ERC1: variants seen among roughly 807,000 people sequenced by gnomAD.
The protein encoded by ERC1 is RAB6 interacting protein 2.
ERC1 carries 56 observed loss-of-function variants against 132.0 expected under a neutral mutation model. The ratio of observed to expected loss-of-function variants is 0.42; its 90% CI spans 0.34 to 0.53. The LOEUF is 0.53. Ranked by LOEUF, ERC1 falls within the 20% of genes least tolerant of loss-of-function variation. The probability of loss-of-function intolerance (pLI) is 0.03; values close to 1 mark genes in which losing one functional copy is unlikely to be tolerated. For synonymous variants in ERC1, 478 were observed against 476.1 expected, an observed-to-expected ratio of 1.00 and a Z score of -0.05; for missense variants, 1,202 against 1,349.9, an observed-to-expected ratio of 0.89 and a Z score of 1.72.
rs1200095045 is a variant in ERC1 at position 1,083,286 on chromosome 12, G to A, written c.792G>A (p.Glu264=). Residue 264 remains glutamate, a synonymous_variant, in exon 3 of 19, where the codon GAG becomes GAA. Transcript: ENST00000360905. ...AACCTTGTGTAGCAGAGCTGACAGA[G>A]GAGAACTTTCAGAGGCTTCATGCTG... ...TGEPCVAELT[E]ENFQRLHAEH... 6.2e-7 allele frequency: 1 copy of A among 1,614,198 alleles called. No homozygotes were observed. Among genetic ancestry groups the A allele is most frequent in the East Asian group, 2.2e-5 (1 of 44,886 alleles).
rs150466467 is a variant in ERC1 at position 1,462,632 on chromosome 12, A to G, written c.3213+17882A>G. Reference sequence around the variant, plus strand: ...TATATGACATTCAGGAACAGAATAAATTATGGTGGTAAAAATTAGAACAGT... The same window carrying G: ...TATATGACATTCAGGAACAGAATAAGTTATGGTGGTAAAAATTAGAACAGT... On this transcript the variant is annotated intron_variant, in intron 18 of 18. Transcript: ENST00000360905. Among the ~76,000 whole-genome samples the G allele has an allele frequency of 3.9e-3, 597 of 152,342 alleles. 3 individuals are homozygous for G. Among genetic ancestry groups the G allele is most frequent in the African/African-American group, 0.013 (559 of 41,590 alleles).
chr12:1,161,147 A>G (rs1951850707), intron 8 of ERC1, among the ~76,000 whole-genome samples: 1 of 152,090 alleles, frequency 6.6e-6, no homozygotes, highest in Non-Finnish European at 1.5e-5. Flanking sequence ...GCAAAGACAT[A>G]TAGATGTGGT....
intron 13 of ERC1, among the ~76,000 whole-genome samples, chr12:1,238,150 T>G (rs74729087): frequency 0.024 from 3,490 of 147,266 alleles, 53 homozygotes; most frequent in East Asian, 0.076. Context: ...CTCATCTTTC[T>G]GTTCTTCCTC....
intron 1 of ERC1, chr12:991,614 G>C (rs1490224185): frequency 3.3e-5 from 5 of 152,074 alleles, no homozygotes; most frequent in South Asian, 4.1e-4. Flanking sequence ...GGCGGGAGCC[G>C]AGGCGGTAGA....
intron 1 of ERC1, among the ~76,000 whole-genome samples, chr12:1,025,310 A>G (rs1218967217): frequency 6.6e-6 from 1 of 152,092 alleles, no homozygotes. Context: ...CCTTCCCTCT[A>G]ATTATCGCTG....
chr12:1,427,516 C>CTT (rs1172988718), intron 17 of ERC1, among the ~76,000 whole-genome samples: 1 of 152,004 alleles, frequency 6.6e-6, no homozygotes, highest in Non-Finnish European at 1.5e-5. Context: ...TTCGTATTTT[C>CTT]TTTTTTTTAA....
intron 16 of ERC1, among the ~76,000 whole-genome samples, chr12:1,376,121 C>T (rs1013151297): frequency 3.9e-5 from 6 of 152,110 alleles, no homozygotes; most frequent in East Asian, 1.9e-4. Flanking sequence ...CAGCACATGG[C>T]GTTCCACTCC....
intron 15 of ERC1, among the ~76,000 whole-genome samples, chr12:1,355,166 G>A (rs2085402505): frequency 6.6e-6 from 1 of 152,146 alleles, no homozygotes; most frequent in African/African-American, 2.4e-5. Flanking sequence ...TGTAGCACCA[G>A]CGTAGCCATA....
In ERC1 at chr12:1,135,271, A is replaced by G. The variant is rs1949141658; in HGVS notation, c.1570-6349A>G. Among the ~76,000 whole-genome samples, 4 of 152,322 alleles carry G rather than the reference A, an allele frequency of 2.6e-5. No individual in the cohort carries two copies. The South Asian group carries it at 6.2e-4, about 24-fold the overall frequency. ...TTCTCCAGGTCACGGAAACAAGTCA[A>G]TGAAAAAGCAGGACAGGTGTCACTT... On this transcript the variant is annotated intron_variant, in intron 7 of 18. Coordinates refer to ENST00000360905, the MANE Select transcript of ERC1 (RefSeq NM_178040.4).
chr12:1,071,928 C>G (rs368188534), intron 2 of ERC1, among the ~76,000 whole-genome samples: 1 of 152,034 alleles, frequency 6.6e-6, no homozygotes, highest in African/African-American at 2.4e-5. Flanking sequence ...TGGAGAAACC[C>G]TGTCTCTACT....
intron 2 of ERC1, among the ~76,000 whole-genome samples, chr12:1,034,118 T>C (rs1968603933): frequency 6.6e-6 from 1 of 152,310 alleles, no homozygotes; most frequent in South Asian, 2.1e-4. Context: ...ATTTGGAGTA[T>C]GTAATGGTGT....
At chr12:1,448,152 C>G (rs763081863) in intron 18 of ERC1, among the ~76,000 whole-genome samples, 4 of 152,206 alleles carry the variant, frequency 2.6e-5, no homozygotes, top group Non-Finnish European at 5.9e-5. Flanking sequence ...GTGTTACAGT[C>G]AAGCTACTGC....
chr12:1,461,667 C>CA (rs2093647814), intron 18 of ERC1, among the ~76,000 whole-genome samples: 1 of 151,918 alleles, frequency 6.6e-6, no homozygotes, highest in Non-Finnish European at 1.5e-5. Flanking sequence ...AACTCTGTCT[C>CA]AAAAAATAAT....
intron 18 of ERC1, among the ~76,000 whole-genome samples, chr12:1,445,222 A>AC (rs2093271695): frequency 2.2e-5 from 2 of 90,692 alleles, no homozygotes; most frequent in Non-Finnish European, 4.0e-5. Flanking sequence ...TGTACAGTAG[A>AC]TTTTTTTTTT....
intron 2 of ERC1, among the ~76,000 whole-genome samples, chr12:1,082,337 T>G (rs903235449): frequency 6.6e-6 from 1 of 151,694 alleles, no homozygotes; most frequent in Non-Finnish European, 1.5e-5. Context: ...ATTTTTGTAT[T>G]TTTAGTAGAG....
At chr12:1,130,458 T>C (rs1948648195) in intron 7 of ERC1, among the ~76,000 whole-genome samples, 2 of 152,352 alleles carry the variant, frequency 1.3e-5, no homozygotes, top group South Asian at 4.1e-4. Flanking sequence ...CCATGCTTTA[T>C]CAGGTTTGCA....
chr12:1,462,924 A>C (rs910817521), intron 18 of ERC1, among the ~76,000 whole-genome samples: 9 of 148,708 alleles, frequency 6.1e-5, no homozygotes, highest in African/African-American at 2.4e-4. Context: ...TTTTCTCTAG[A>C]GTACAAATTT....
intron 15 of ERC1, among the ~76,000 whole-genome samples, chr12:1,300,268 A>G (rs946644154): frequency 6.6e-6 from 1 of 152,224 alleles, no homozygotes; most frequent in Non-Finnish European, 1.5e-5. Context: ...AGCCATATGC[A>G]GAAGATTAAA....
At chr12:1,110,486 T>A in intron 5 of ERC1, 139 bp downstream of exon 5, 1 of 662,920 alleles carries the variant, frequency 1.5e-6, no homozygotes, top group Non-Finnish European at 2.4e-6. Flanking sequence ...GCATAGTTCT[T>A]TCAAATGAAA....
Sources: gnomAD v4.1 joint callset for allele counts (sites outside exome capture counted in the v4.1 genomes callset) on GRCh38, gnomAD v4.1.1 for gene constraint, MANE v1.5 for transcripts, NCBI Gene and HGNC (gene_info 2026-07-23, HGNC 2026-07-21) for gene names.